CALN1: variants seen among roughly 807,000 people sequenced by gnomAD.
The protein encoded by CALN1 is calneuron 1.
A neutral mutation model predicts 30.6 loss-of-function variants in CALN1; 17 were observed. The observed-to-expected ratio is 0.56, with a 90% CI of 0.38 to 0.83. The LOEUF (loss-of-function observed/expected upper bound fraction) is 0.83. Among genes scored for constraint, CALN1 ranks in the 40% least tolerant of loss-of-function variants. The pLI, the probability that CALN1 is intolerant of heterozygous loss-of-function variation, is 0.00. For synonymous variants in CALN1, 156 were observed against 131.4 expected, an observed-to-expected ratio of 1.19 and a Z score of -1.28; for missense variants, 291 against 354.9, an observed-to-expected ratio of 0.82 and a Z score of 1.45.
chr7:72,398,819 G>A (rs1236313014), intron 2 of CALN1, among the ~76,000 whole-genome samples: 3 of 152,180 alleles, frequency 2.0e-5, no homozygotes, highest in African/African-American at 7.2e-5. Context: ...TATGACTTTA[G>A]AAAAGTTTCT....
chr7:71,817,281 C>T (rs1434248059), intron 5 of CALN1, among the ~76,000 whole-genome samples: 1 of 152,126 alleles, frequency 6.6e-6, no homozygotes, highest in Non-Finnish European at 1.5e-5. Context: ...ACTATGGACC[C>T]TAGTCCTGCA....
At chr7:72,388,434 A>G (rs1805377477) in intron 2 of CALN1, among the ~76,000 whole-genome samples, 2 of 152,142 alleles carry the variant, frequency 1.3e-5, no homozygotes, top group Non-Finnish European at 2.9e-5. Context: ...GAAAAAGGAC[A>G]TTAAGTACAA....
chr7:72,470,337 A>C, the CALN1 span, among the ~76,000 whole-genome samples: 1 of 152,164 alleles, frequency 6.6e-6, no homozygotes, highest in South Asian at 2.1e-4. Flanking sequence ...TGAGTCCAGG[A>C]GTTCAAGACC....
intron 5 of CALN1, among the ~76,000 whole-genome samples, chr7:71,923,245 G>A (rs1028709919): frequency 6.6e-6 from 1 of 152,140 alleles, no homozygotes; most frequent in African/African-American, 2.4e-5. Context: ...GACAGAAAAA[G>A]CCTACAGCCA....
chr7:72,220,115 T>C (rs1196850466), intron 3 of CALN1, among the ~76,000 whole-genome samples: 1 of 151,810 alleles, frequency 6.6e-6, no homozygotes, highest in African/African-American at 2.4e-5. Context: ...TATGTATACA[T>C]GTGCCATGCT....
At chr7:72,426,223 C>A (rs907381563) in intron 1 of CALN1, among the ~76,000 whole-genome samples, 11 of 152,226 alleles carry the variant, frequency 7.2e-5, no homozygotes, top group African/African-American at 2.7e-4. Flanking sequence ...CAGCCCAAGG[C>A]GGCTGGCCCA....
intron 2 of CALN1, among the ~76,000 whole-genome samples, chr7:72,353,843 A>C (rs925848042): frequency 6.6e-6 from 1 of 152,140 alleles, no homozygotes; most frequent in African/African-American, 2.4e-5. Context: ...AGGTCACAGA[A>C]TACAAGGTCA....
chr7:72,041,673 C>T (rs927916240), intron 4 of CALN1, among the ~76,000 whole-genome samples: 15 of 152,116 alleles, frequency 9.9e-5, no homozygotes, highest in African/African-American at 3.6e-4. Context: ...TGTGAGCCAC[C>T]ACACCTGGCG....
intron 4 of CALN1, among the ~76,000 whole-genome samples, chr7:72,047,656 T>C (rs748657995): frequency 6.6e-6 from 1 of 152,076 alleles, no homozygotes; most frequent in Non-Finnish European, 1.5e-5. Flanking sequence ...ACAATGACAA[T>C]GCACCAGCAA....
At chr7:72,337,136 C>A in intron 2 of CALN1, 1 of 985,884 alleles carries the variant, frequency 1.0e-6, no homozygotes, top group Non-Finnish European at 1.2e-6. Flanking sequence ...GCCGAGGCCC[C>A]GCTGGAGTTG....
intron 5 of CALN1, among the ~76,000 whole-genome samples, chr7:71,897,790 A>T (rs1388380278): frequency 1.3e-5 from 2 of 151,672 alleles, no homozygotes; most frequent in Non-Finnish European, 2.9e-5. Flanking sequence ...GAGACAACAC[A>T]TTATGAACCC....
At chr7:72,310,029 T>G (rs1799935496) in intron 2 of CALN1, among the ~76,000 whole-genome samples, 1 of 152,080 alleles carries the variant, frequency 6.6e-6, no homozygotes, top group Non-Finnish European at 1.5e-5. Context: ...CACACTGCCC[T>G]CCATGTCTTC....
chr7:72,049,983 T>A (rs1227121706), intron 4 of CALN1, among the ~76,000 whole-genome samples: 1 of 151,430 alleles, frequency 6.6e-6, no homozygotes, highest in Non-Finnish European at 1.5e-5. Flanking sequence ...CTATACTTTT[T>A]TTTTTTTGTA....
intron 4 of CALN1, among the ~76,000 whole-genome samples, chr7:72,098,952 G>C (rs142763850): frequency 4.6e-5 from 7 of 152,266 alleles, no homozygotes; most frequent in African/African-American, 1.7e-4. Flanking sequence ...GGAGATGACT[G>C]TTCCATGTGT....
intron 2 of CALN1, among the ~76,000 whole-genome samples, chr7:72,350,355 C>CGA (rs1362802824): frequency 2.0e-5 from 3 of 152,026 alleles, no homozygotes; most frequent in African/African-American, 7.2e-5. Flanking sequence ...GCACTATTCA[C>CGA]AATAGTAAAG....
chr7:72,068,189 C>G (rs1301916483), intron 4 of CALN1, among the ~76,000 whole-genome samples: 1 of 152,172 alleles, frequency 6.6e-6, no homozygotes, highest in Non-Finnish European at 1.5e-5. Context: ...ATGCAAGCAC[C>G]TCCACCAGCA....
Position 72,106,233 on chromosome 7 carries a change from C to A in CALN1, c.306G>T (p.Glu102Asp), listed in dbSNP as rs1807099512. The change falls in exon 4 of 7, where the codon GAG becomes GAT. Residue 102 changes from glutamate (E) to aspartate (D), a missense_variant. Glu to Asp is a conservative substitution (Grantham distance 45). Around this residue, in one of 2 missense-constraint regions of CALN1, gnomAD observed 169 missense variants for 251.7 expected, o/e 0.67. Transcript: ENST00000395275. ...RDGNGFISKQ[E>D]LGMAMRSLGY... Reference sequence around the variant, plus strand: ...CCAAAGAGCGCATGGCCATGCCCAGCTCCTGCTTGGAGATGAAGCCGTTCC... The same window carrying A: ...CCAAAGAGCGCATGGCCATGCCCAGATCCTGCTTGGAGATGAAGCCGTTCC... The A allele has an allele frequency of 1.2e-6, 2 of 1,614,078 alleles. No individual in the cohort carries two copies. The highest frequency in any genetic ancestry group is 1.7e-6 in the Non-Finnish European group (2 of 1,180,026).
chr7:72,020,398 A>G (rs1800636054), intron 5 of CALN1, among the ~76,000 whole-genome samples: 1 of 152,192 alleles, frequency 6.6e-6, no homozygotes, highest in South Asian at 2.1e-4. Flanking sequence ...AAACCACCCA[A>G]GCACTGGGAA....
chr7:72,094,670 T>C (rs1237090872), intron 4 of CALN1, among the ~76,000 whole-genome samples: 1 of 152,176 alleles, frequency 6.6e-6, no homozygotes, highest in Non-Finnish European at 1.5e-5. Context: ...GGAGATGGCA[T>C]ACCTTCCTGG....
Sources: gnomAD v4.1 joint callset for allele counts (sites outside exome capture counted in the v4.1 genomes callset) on GRCh38, gnomAD v4.1.1 for gene constraint, gnomAD v4.1.1 regional missense constraint, MANE v1.5 for transcripts, NCBI Gene and HGNC (gene_info 2026-07-23, HGNC 2026-07-21) for gene names.